MCPH1: variants seen among roughly 807,000 people sequenced by gnomAD.
MCPH1 encodes microcephalin 1, also known as microcephalin.
Under a neutral mutation model 84.5 loss-of-function variants are expected in MCPH1, and 104 were observed. The ratio of observed to expected loss-of-function variants is 1.23; its 90% CI spans 1.05 to 1.45. The LOEUF (loss-of-function observed/expected upper bound fraction) is 1.45. Among genes scored for constraint, MCPH1 ranks in the 40% most tolerant of loss-of-function variants. The pLI is 0.00. For missense variants in MCPH1, 1,498 were observed against 1,005.7 expected (o/e 1.49, Z -6.62); for synonymous variants, 514 against 366.8 (o/e 1.40, Z -4.58).
intron 13 of MCPH1, among the ~76,000 whole-genome samples, chr8:6,624,202 A>C (rs1234661041): frequency 2.0e-5 from 3 of 152,242 alleles, no homozygotes; most frequent in Admixed American, 2.0e-4. Context: ...AAAGCCCTTC[A>C]GAGTTCTCTG....
chr8:6,477,551 T>A, intron 9 of MCPH1, 43 bp from the exon 10 acceptor site: 1 of 1,570,964 alleles, frequency 6.4e-7, no homozygotes. Context: ...ATATTTTTTA[T>A]GTTTTTGACT....
intron 11 of MCPH1, among the ~76,000 whole-genome samples, chr8:6,485,053 G>T (rs1424311640): frequency 2.6e-5 from 4 of 152,152 alleles, no homozygotes; most frequent in African/African-American, 9.7e-5. Flanking sequence ...TAGGCGGGGT[G>T]CAGTGGCTCA....
intron 12 of MCPH1, among the ~76,000 whole-genome samples, chr8:6,613,724 G>A (rs1387327253): frequency 1.3e-5 from 2 of 152,122 alleles, no homozygotes; most frequent in African/African-American, 2.4e-5. Flanking sequence ...CATCAGGGCC[G>A]AGAGGAATGA....
chr8:6,454,736 A>C (rs1805495629), intron 8 of MCPH1, among the ~76,000 whole-genome samples: 3 of 152,184 alleles, frequency 2.0e-5, no homozygotes, highest in Non-Finnish European at 2.9e-5. Flanking sequence ...ATTTTCTAGA[A>C]AATCTCAAAC....
chr8:6,595,607 T>C (rs188197604), intron 12 of MCPH1, among the ~76,000 whole-genome samples: 3 of 152,014 alleles, frequency 2.0e-5, no homozygotes, highest in Admixed American at 2.0e-4. Flanking sequence ...GAGTGAAGAG[T>C]GCATGGTCCA....
chr8:6,481,003 C>T (rs1222239909), intron 11 of MCPH1, 127 bp downstream of exon 11: 1 of 1,132,638 alleles, frequency 8.8e-7, no homozygotes, highest in Non-Finnish European at 1.3e-6. Flanking sequence ...TTCCTGTGAG[C>T]TGGGAACACC....
intron 12 of MCPH1, chr8:6,618,532 T>C (rs976190853): frequency 6.6e-6 from 1 of 152,182 alleles, no homozygotes; most frequent in Non-Finnish European, 1.5e-5. Flanking sequence ...ACAAGCATTA[T>C]CATAAATGTG....
At chr8:6,504,317 C>CAAAAAAAAA in intron 12 of MCPH1, among the ~76,000 whole-genome samples, 1 of 85,914 alleles carries the variant, frequency 1.2e-5, no homozygotes, top group Non-Finnish European at 2.2e-5. Context: ...GACTCCAGCT[C>CAAAAAAAAA]AAAAAAAAAA....
chr8:6,471,826 C>T (rs1585968632), intron 9 of MCPH1, among the ~76,000 whole-genome samples: 1 of 152,142 alleles, frequency 6.6e-6, no homozygotes, highest in African/African-American at 2.4e-5. Flanking sequence ...CCCTCTTGGT[C>T]GAAGGTAAGT....
rs117245098 is a variant in MCPH1, at chr8:6,432,766, T to A, written c.321+1180T>A. ...AAGCCATAGTTTGCCCATGCAGTGA[T>A]AGATGAACTTCTTCAGTCTTACCTG... On this transcript the variant is annotated intron_variant, in intron 4 of 13. Transcript: ENST00000344683. Among the ~76,000 whole-genome samples the A allele has an allele frequency of 1.9e-3, 289 of 152,392 alleles. 1 individual carries two copies. Among genetic ancestry groups the A allele is most frequent in the Non-Finnish European group, 3.6e-3 (245 of 68,044 alleles).
At chr8:6,412,482 A>C (rs1451794652) in intron 2 of MCPH1, among the ~76,000 whole-genome samples, 4 of 152,254 alleles carry the variant, frequency 2.6e-5, no homozygotes, top group African/African-American at 4.8e-5. Flanking sequence ...TAGTACTCGT[A>C]ATCCGGGATT....
intron 12 of MCPH1, among the ~76,000 whole-genome samples, chr8:6,611,105 C>T (rs1272913630): frequency 6.8e-6 from 1 of 146,328 alleles, no homozygotes; most frequent in Non-Finnish European, 1.5e-5. Flanking sequence ...CACACACATA[C>T]ACACACACTC....
chr8:6,409,768 T>C (rs1798277930), intron 2 of MCPH1, among the ~76,000 whole-genome samples: 1 of 152,132 alleles, frequency 6.6e-6, no homozygotes, highest in Non-Finnish European at 1.5e-5. Flanking sequence ...CTAGAGATGA[T>C]GATCTAGGGG....
intron 9 of MCPH1, among the ~76,000 whole-genome samples, chr8:6,474,973 G>A (rs986972717): frequency 6.6e-5 from 10 of 152,080 alleles, no homozygotes; most frequent in African/African-American, 1.9e-4. Context: ...AAACATTTAC[G>A]TTTCTATAGG....
intron 12 of MCPH1, among the ~76,000 whole-genome samples, chr8:6,537,666 T>C (rs1233165244): frequency 6.6e-6 from 1 of 152,046 alleles, no homozygotes; most frequent in Non-Finnish European, 1.5e-5. Context: ...AATAGGTCCA[T>C]TTGTGAGGCA....
intron 12 of MCPH1, among the ~76,000 whole-genome samples, chr8:6,513,306 C>G (rs1000996766): frequency 2.6e-5 from 4 of 151,260 alleles, no homozygotes; most frequent in African/African-American, 9.7e-5. Context: ...CCCAGCAAAC[C>G]TTTTAATTTT....
chr8:6,623,617 A>G (rs1267824832), intron 13 of MCPH1, among the ~76,000 whole-genome samples: 1 of 147,798 alleles, frequency 6.8e-6, no homozygotes, highest in Non-Finnish European at 1.5e-5. Flanking sequence ...TATATTTTAG[A>G]AGTGTGGCAA....
chr8:6,598,534 G>C (rs757264117), intron 12 of MCPH1, among the ~76,000 whole-genome samples: 10 of 152,208 alleles, frequency 6.6e-5, no homozygotes, highest in Non-Finnish European at 1.5e-4. Flanking sequence ...AGTGGGCTGG[G>C]AGAGGCACAC....
At chr8:6,556,294 T>G (rs3020231) in intron 12 of MCPH1, among the ~76,000 whole-genome samples, 20,085 of 152,190 alleles carry the variant, frequency 0.13, 3,655 homozygotes, top group African/African-American at 0.41. Flanking sequence ...TAATTATACC[T>G]GATATTTACT....
Sources: allele counts gnomAD v4.1 joint callset (sites outside exome capture counted in the v4.1 genomes callset), GRCh38; gene constraint gnomAD v4.1.1; transcripts MANE v1.5; gene names NCBI Gene and HGNC (gene_info 2026-07-23, HGNC 2026-07-21).